The following FLNB variants were observed in gnomAD, a reference collection of about 807,000 sequenced individuals.
FLNB encodes the protein filamin-B.
In FLNB, 111 loss-of-function variants were observed where a neutral mutation model predicts 250.6. That is an observed-to-expected ratio of 0.44 (90% confidence interval 0.38 to 0.52). FLNB has a LOEUF of 0.52. Ranked by LOEUF, FLNB falls within the 20% of genes least tolerant of loss-of-function variation. The probability of loss-of-function intolerance (pLI) is 0.00; values close to 1 mark genes in which losing one functional copy is unlikely to be tolerated. For missense variants in FLNB, 2,869 were observed against 3,447.8 expected (o/e 0.83, Z 4.20); for synonymous variants, 1,302 against 1,372.1 (o/e 0.95, Z 1.13).
At chr3:58,119,569 G>A (rs2097284914) in intron 19 of FLNB, among the ~76,000 whole-genome samples, 2 of 152,054 alleles carry the variant, frequency 1.3e-5, no homozygotes, top group Admixed American at 6.6e-5. Flanking sequence ...TTTTAGTAGG[G>A]AAAATTTCAA....
rs1230848798 is a variant in FLNB at position 58,138,392 on chromosome 3, A to T, written c.4972A>T (p.Thr1658Ser). 2 of 1,614,254 alleles carry T rather than the reference A, an allele frequency of 1.2e-6. No homozygotes were observed. The change falls in exon 29 of 46, where the codon ACT (threonine) becomes TCT (serine). Residue 1658 changes from threonine (T) to serine (S), a missense_variant. Transcript: ENST00000295956. ...CTGCACGGTTCTGACCCCAGATGGC[A>T]CTGAGGCCGAGGCCGATGTCATTGA... Reference protein sequence around the residue: ...VTCTVLTPDGTEAEADVIENE... With the variant: ...VTCTVLTPDGSEAEADVIENE...
intron 11 of FLNB, among the ~76,000 whole-genome samples, chr3:58,106,451 C>G (rs563056209): frequency 4.0e-5 from 6 of 148,746 alleles, no homozygotes; most frequent in African/African-American, 1.5e-4. Flanking sequence ...GCCACCACAC[C>G]CAGCCCAGGC....
chr3:58,017,600 C>T (rs2097107624), intron 1 of FLNB, among the ~76,000 whole-genome samples: 1 of 152,158 alleles, frequency 6.6e-6, no homozygotes, highest in African/African-American at 2.4e-5. Flanking sequence ...AAGAAAAATA[C>T]TGAGCTATGT....
chr3:58,084,364 G>A (rs1383157203), intron 4 of FLNB, among the ~76,000 whole-genome samples: 4 of 152,100 alleles, frequency 2.6e-5, no homozygotes, highest in Non-Finnish European at 5.9e-5. Context: ...TCAAGGCATA[G>A]TGTATGTTTG....
chr3:58,149,439 G>A (rs1435472646), intron 36 of FLNB: 5 of 289,080 alleles, frequency 1.7e-5, no homozygotes, highest in Non-Finnish European at 3.3e-5. Context: ...TTAAACCTTC[G>A]GATATGCTGA....
At chr3:58,146,488 A>G (rs999676268) in intron 33 of FLNB, among the ~76,000 whole-genome samples, 2 of 152,174 alleles carry the variant, frequency 1.3e-5, no homozygotes, top group African/African-American at 4.8e-5. Context: ...GGCAGGGACA[A>G]TCCACCTCTG....
intron 1 of FLNB, among the ~76,000 whole-genome samples, chr3:58,038,122 T>A (rs1452548641): frequency 6.6e-6 from 1 of 152,034 alleles, no homozygotes; most frequent in Non-Finnish European, 1.5e-5. Context: ...ATTTGCCTCC[T>A]GTGTTCAAGC....
At chr3:58,092,694 A>G (rs542961896) in intron 4 of FLNB, among the ~76,000 whole-genome samples, 3 of 152,302 alleles carry the variant, frequency 2.0e-5, no homozygotes, top group South Asian at 2.1e-4. Context: ...TGCAACTACC[A>G]TATGGCCCAA....
chr3:58,109,998 G>A lies in FLNB; in HGVS notation c.2324-12G>A, dbSNP rs749881494. 3.7e-6 allele frequency: 6 copies of A among 1,613,968 alleles called. No homozygotes were observed. In the African/African-American group the frequency reaches 5.3e-5, roughly 14 times the overall value. Reference sequence around the variant, plus strand: ...TCTTGTAAGCTGGTGCTAATAAGCTGGTCTGTTCCAGGTGATGTCAGTGTT... The same window carrying A: ...TCTTGTAAGCTGGTGCTAATAAGCTAGTCTGTTCCAGGTGATGTCAGTGTT... On this transcript the variant is annotated splice_polypyrimidine_tract_variant and intron_variant, in intron 15 of 45. Coordinates refer to ENST00000295956, the MANE Select transcript of FLNB (RefSeq NM_001457.4).
chr3:58,098,884 C>G lies in FLNB; in HGVS notation c.1321C>G (p.Pro441Ala), dbSNP rs745588918. 6.2e-7 allele frequency: 1 copy of G among 1,613,938 alleles called. No homozygotes were observed. The highest frequency in any genetic ancestry group is 1.3e-5 in the African/African-American group (1 of 74,894). ...TGCTGGGGACACTATTCCTAAGAGTCCCTTCGTTGTGCAGGTTGGGGAAGG... is the reference window on the plus strand; with the variant it reads ...TGCTGGGGACACTATTCCTAAGAGTGCCTTCGTTGTGCAGGTTGGGGAAGG... ...FFAGDTIPKS[P>A]FVVQVGEACN... The change falls in exon 8 of 46, where the codon CCC becomes GCC. Residue 441 changes from proline (P) to alanine (A), a missense_variant. Physicochemically the swap from Pro to Ala is conservative, Grantham distance 27. Transcript: ENST00000295956.
intron 18 of FLNB, among the ~76,000 whole-genome samples, chr3:58,114,362 C>CT (rs2097274289): frequency 6.6e-6 from 1 of 152,228 alleles, no homozygotes; most frequent in Non-Finnish European, 1.5e-5. Flanking sequence ...TCTTGAATTC[C>CT]TGATCTCAGG....
intron 1 of FLNB, among the ~76,000 whole-genome samples, chr3:58,028,368 A>G (rs2097126263): frequency 6.6e-6 from 1 of 150,768 alleles, no homozygotes; most frequent in Admixed American, 6.6e-5. Context: ...GGGGTCTACA[A>G]ATAAGAGTTG....
At chr3:58,056,071 A>C (rs1350846046) in intron 1 of FLNB, among the ~76,000 whole-genome samples, 2 of 148,324 alleles carry the variant, frequency 1.3e-5, no homozygotes, top group Non-Finnish European at 3.0e-5. Flanking sequence ...GCCATTAATA[A>C]ATTTTATTTA....
At chr3:58,092,305 T>C (rs544270641) in intron 4 of FLNB, among the ~76,000 whole-genome samples, 1 of 152,262 alleles carries the variant, frequency 6.6e-6, no homozygotes, top group African/African-American at 2.4e-5. Context: ...CTGGTGGGAA[T>C]GTAAAATGGT....
intron 1 of FLNB, among the ~76,000 whole-genome samples, chr3:58,067,584 T>TG (rs1413803887): frequency 9.1e-6 from 1 of 110,028 alleles, no homozygotes; most frequent in East Asian, 2.9e-4. Flanking sequence ...TTTTTTTGTT[T>TG]GTTTTTTTGT....
chr3:58,025,183 G>A (rs1416296483), intron 1 of FLNB, among the ~76,000 whole-genome samples: 2 of 140,436 alleles, frequency 1.4e-5, no homozygotes, highest in Non-Finnish European at 1.5e-5. Flanking sequence ...AGGCTGGAGT[G>A]TAGTGGCACA....
intron 24 of FLNB, among the ~76,000 whole-genome samples, chr3:58,130,112 A>G (rs562733743): frequency 6.6e-6 from 1 of 152,134 alleles, no homozygotes; most frequent in Admixed American, 6.5e-5. Flanking sequence ...GAGTGTGGTC[A>G]GAAGGTGCCA....
chr3:58,157,800 AAAAATCCCCTCCAGG>A (rs1264688111), intron 41 of FLNB, among the ~76,000 whole-genome samples: 5 of 152,194 alleles, frequency 3.3e-5, no homozygotes, highest in African/African-American at 1.2e-4. Flanking sequence ...GCTGGTTTGG[AAAAATCCCCTCCAGG>A]AAACTTCTGT....
intron 1 of FLNB, among the ~76,000 whole-genome samples, chr3:58,036,139 C>T (rs950952559): frequency 1.3e-5 from 2 of 152,178 alleles, no homozygotes; most frequent in African/African-American, 4.8e-5. Flanking sequence ...GACGTGGACT[C>T]AGGATACCTG....
Sources: allele counts gnomAD v4.1 joint callset (sites outside exome capture counted in the v4.1 genomes callset), GRCh38; gene constraint gnomAD v4.1.1; transcripts MANE v1.5; gene names NCBI Gene and HGNC (gene_info 2026-07-23, HGNC 2026-07-21).